DPH6: variants seen among roughly 807,000 people sequenced by gnomAD.
DPH6 encodes diphthine--ammonia ligase.
In DPH6, 33 loss-of-function variants were observed where a neutral mutation model predicts 38.2. The ratio of observed to expected loss-of-function variants is 0.86; its 90% CI spans 0.65 to 1.15. DPH6 has a LOEUF of 1.15. DPH6 is among the 50% of genes most tolerant of loss of function. The probability of loss-of-function intolerance (pLI) is 0.00; values close to 1 mark genes in which losing one functional copy is unlikely to be tolerated. For missense variants in DPH6, 325 were observed against 320.0 expected (o/e 1.02, Z -0.12); for synonymous variants, 108 against 103.0 (o/e 1.05, Z -0.30).
intron 7 of DPH6, among the ~76,000 whole-genome samples, chr15:35,381,243 G>A (rs1007354461): frequency 3.3e-5 from 5 of 152,058 alleles, no homozygotes; most frequent in African/African-American, 1.2e-4. Flanking sequence ...TGGATGATAA[G>A]GTAACAAACT....
intron 3 of DPH6, among the ~76,000 whole-genome samples, chr15:35,537,445 TAACTG>T (rs1373204338): frequency 6.6e-6 from 1 of 152,134 alleles, no homozygotes; most frequent in Non-Finnish European, 1.5e-5. Context: ...CTTAGAAGAA[TAACTG>T]AACTGTATTC....
In DPH6 at chr15:35,385,937, C is replaced by T. The variant is rs529928505; in HGVS notation, c.568-4021G>A. ...TGTATACATGTGCCATGTTGGTGTG[C>T]TGCACCCATTAACTCTTCATTTAGC... On this transcript the variant is annotated intron_variant, in intron 6 of 8. Transcript: ENST00000256538. 4.6e-5 allele frequency among the ~76,000 whole-genome samples: 7 copies of T among 151,880 alleles called. No individual in the cohort carries two copies. In the South Asian group the frequency reaches 6.2e-4, roughly 14 times the overall value.
chr15:35,200,294 T>G, the DPH6 span, among the ~76,000 whole-genome samples: 9 of 152,000 alleles, frequency 5.9e-5, no homozygotes, highest in Non-Finnish European at 1.2e-4. Flanking sequence ...AAATGGAAGG[T>G]GGTGAGATGT....
chr15:35,473,516 T>G (rs1324635606), intron 3 of DPH6, among the ~76,000 whole-genome samples: 3 of 152,152 alleles, frequency 2.0e-5, no homozygotes, highest in Non-Finnish European at 4.4e-5. Context: ...AATTCATTAA[T>G]TTCATGAAAA....
intron 3 of DPH6, among the ~76,000 whole-genome samples, chr15:35,283,213 TTCC>T (rs1206834010): frequency 2.0e-5 from 3 of 146,800 alleles, no homozygotes; most frequent in Non-Finnish European, 4.5e-5. Context: ...TTTCTTCCTC[TTCC>T]TCTTCTTTCT....
intron 3 of DPH6, among the ~76,000 whole-genome samples, chr15:35,358,755 C>T (rs2052589482): frequency 6.6e-6 from 1 of 152,152 alleles, no homozygotes; most frequent in Non-Finnish European, 1.5e-5. Context: ...ATCTCTCAGC[C>T]AGAGATACCA....
chr15:35,369,926 A>C (rs1322494698), downstream of DPH6, among the ~76,000 whole-genome samples: 1 of 151,842 alleles, frequency 6.6e-6, no homozygotes, highest in Non-Finnish European at 1.5e-5. Context: ...ACAATACGGA[A>C]GAAGAAAAAA....
the DPH6 span, among the ~76,000 whole-genome samples, chr15:35,155,776 G>A: frequency 1.3e-5 from 2 of 152,144 alleles, no homozygotes; most frequent in Middle Eastern, 3.2e-3. Flanking sequence ...AGAAAGGCAC[G>A]ATTTTGAGAC....
intron 3 of DPH6, among the ~76,000 whole-genome samples, chr15:35,290,337 C>G (rs1437497483): frequency 6.6e-6 from 1 of 152,164 alleles, no homozygotes; most frequent in Non-Finnish European, 1.5e-5. Context: ...ATCATTTCTG[C>G]AAAGGCACTG....
chr15:35,435,682 TA>T (rs1191338453), intron 5 of DPH6, among the ~76,000 whole-genome samples: 6 of 152,184 alleles, frequency 3.9e-5, no homozygotes, highest in Non-Finnish European at 7.3e-5. Flanking sequence ...TCTGTATGCC[TA>T]ATTTTTCTTG....
rs79123864 is a variant in DPH6, at chr15:35,379,015, C to T, written c.662+2807G>A. On this transcript the variant is annotated intron_variant, in intron 7 of 8. Coordinates refer to ENST00000256538, the MANE Select transcript of DPH6 (RefSeq NM_080650.4). ...CAAACAAACCCCCGAGGTATTGGTA[C>T]AACTGCATTCTCTCTTGGGACTTTA... 4.2e-3 allele frequency among the ~76,000 whole-genome samples: 639 copies of T among 152,296 alleles called. 2 individuals are homozygous for T. The highest frequency in any genetic ancestry group is 7.1e-3 in the Non-Finnish European group (485 of 68,020).
In DPH6 at chr15:35,395,820, ATTTTGTAG is replaced by A. The variant is rs559323804; in HGVS notation, c.568-13912_568-13905del. 6.6e-3 allele frequency among the ~76,000 whole-genome samples: 1,010 copies of A among 152,270 alleles called. 5 individuals carry two copies. The highest frequency in any genetic ancestry group is 0.027 in the Middle Eastern group (8 of 294). On this transcript the variant is annotated intron_variant, in intron 6 of 8. Coordinates refer to ENST00000256538, the MANE Select transcript of DPH6 (RefSeq NM_080650.4). ...ATGGAAAATGCCAAGTCTTTGATTT[ATTTTGTAG>A]TTCTTATAGCAGTTAGCATAGAACT...
chr15:35,513,643 A>C (rs2054806122), intron 3 of DPH6, among the ~76,000 whole-genome samples: 1 of 151,978 alleles, frequency 6.6e-6, no homozygotes, highest in Admixed American at 6.5e-5. Context: ...GGCTTATTAC[A>C]AATCTTAACT....
At chr15:35,420,295 A>C (rs2053487903) in intron 5 of DPH6, among the ~76,000 whole-genome samples, 1 of 152,144 alleles carries the variant, frequency 6.6e-6, no homozygotes, top group Non-Finnish European at 1.5e-5. Context: ...GATGCAGCAA[A>C]AGCAGTTCTA....
At chr15:35,450,167 A>G (rs9788708) in intron 5 of DPH6, among the ~76,000 whole-genome samples, 107,393 of 151,402 alleles carry the variant, frequency 0.71, 39,179 homozygotes, top group South Asian at 0.84. Flanking sequence ...CTTTTTCTCA[A>G]ACATGATTTT....
chr15:35,265,920 T>C (rs1306798116), intron 3 of DPH6, among the ~76,000 whole-genome samples: 1 of 152,176 alleles, frequency 6.6e-6, no homozygotes, highest in Non-Finnish European at 1.5e-5. Context: ...TTTGTTGATA[T>C]TGAAGTTTGT....
chr15:35,225,842 A>C (rs909808157), intron 3 of DPH6, among the ~76,000 whole-genome samples: 3 of 152,272 alleles, frequency 2.0e-5, no homozygotes, highest in African/African-American at 7.2e-5. Context: ...GAGAGGAGTT[A>C]CTTCAGCAAA....
intron 3 of DPH6, among the ~76,000 whole-genome samples, chr15:35,361,936 C>A (rs1220000313): frequency 6.6e-6 from 1 of 151,676 alleles, no homozygotes; most frequent in Non-Finnish European, 1.5e-5. Context: ...AATAGATTTT[C>A]ATTTTTTCAG....
intron 3 of DPH6, among the ~76,000 whole-genome samples, chr15:35,506,338 T>C (rs2054693738): frequency 1.3e-5 from 2 of 152,146 alleles, no homozygotes; most frequent in Non-Finnish European, 2.9e-5. Flanking sequence ...AATGATGGCT[T>C]GTATGACAAT....
Sources: gnomAD v4.1 joint callset for allele counts (sites outside exome capture counted in the v4.1 genomes callset) on GRCh38, gnomAD v4.1.1 for gene constraint, MANE v1.5 for transcripts, NCBI Gene and HGNC (gene_info 2026-07-23, HGNC 2026-07-21) for gene names.